Variants in KIAA0319L observed in about 807,000 individuals in gnomAD.
KIAA0319L encodes dyslexia-associated protein KIAA0319-like protein.
In KIAA0319L, 55 loss-of-function variants were observed where a neutral mutation model predicts 120.1. The ratio of observed to expected loss-of-function variants is 0.46; its 90% confidence interval spans 0.37 to 0.57. The LOEUF (loss-of-function observed/expected upper bound fraction) is 0.57. Among genes scored for constraint, KIAA0319L ranks in the 20% least tolerant of loss-of-function variants. KIAA0319L has a pLI of 0.00. For synonymous variants in KIAA0319L, 398 were observed against 471.9 expected, an observed-to-expected ratio of 0.84 and a Z score of 2.03; for missense variants, 1,049 against 1,255.3, an observed-to-expected ratio of 0.84 and a Z score of 2.48.
intron 8 of KIAA0319L, among the ~76,000 whole-genome samples, 162 bp downstream of exon 8, chr1:35,462,459 T>TTCAG (rs1642965301): frequency 6.6e-6 from 1 of 152,218 alleles, no homozygotes; most frequent in African/African-American, 2.4e-5. Context: ...TGTGTTGCTT[T>TTCAG]TCAGTCAGTT....
intron 2 of KIAA0319L, among the ~76,000 whole-genome samples, chr1:35,516,774 T>G (rs1388493349): frequency 1.3e-5 from 2 of 152,160 alleles, no homozygotes; most frequent in African/African-American, 4.8e-5. Context: ...TATCCCTGTT[T>G]GCATTCAACA....
intron 3 of KIAA0319L, among the ~76,000 whole-genome samples, chr1:35,490,143 CT>C (rs1644539293): frequency 6.6e-6 from 1 of 152,142 alleles, no homozygotes; most frequent in African/African-American, 2.4e-5. Flanking sequence ...CTAGGCTGCC[CT>C]GTAGTTCTCT....
intron 2 of KIAA0319L, among the ~76,000 whole-genome samples, chr1:35,532,542 G>C: frequency 6.6e-6 from 1 of 152,164 alleles, no homozygotes; most frequent in Non-Finnish European, 1.5e-5. Context: ...TAAATTTTCA[G>C]TGTTGATACT....
Position 35,450,340 on chromosome 1 carries a change from A to G in KIAA0319L, c.2214+18T>C. 1 of 1,607,614 alleles carries G rather than the reference A, an allele frequency of 6.2e-7. No homozygotes were observed. ...CCTCCCCACTCCTGTGTAGCTCTCC[A>G]GCTCCTAGCACACTTACCCCTGCTG... On this transcript the variant is annotated intron_variant, in intron 14 of 20. Coordinates refer to ENST00000325722, the MANE Select transcript of KIAA0319L (RefSeq NM_024874.5).
At position 35,450,346 on chromosome 1, in the gene KIAA0319L, T is replaced by C. The variant is rs750129116; in HGVS notation, c.2214+12A>G. On this transcript the variant is annotated intron_variant, in intron 14 of 20. Coordinates refer to ENST00000325722, the MANE Select transcript of KIAA0319L (RefSeq NM_024874.5). ...CACTCCTGTGTAGCTCTCCAGCTCC[T>C]AGCACACTTACCCCTGCTGCTGGGC... 2 of 1,611,458 alleles carry C rather than the reference T, an allele frequency of 1.2e-6. No individual in the cohort carries two copies. The highest frequency in any genetic ancestry group is 2.7e-5 in the African/African-American group (2 of 74,838).
intron 2 of KIAA0319L, among the ~76,000 whole-genome samples, chr1:35,522,076 G>A (rs1040804471): frequency 6.6e-5 from 10 of 152,096 alleles, no homozygotes; most frequent in Non-Finnish European, 1.2e-4. Flanking sequence ...TGATATCCAG[G>A]ATACATTATG....
Position 35,451,624 on chromosome 1 carries a change from G to T in KIAA0319L, c.2062+4C>A. ...TGCTACACAAACTGGAGGCAGAGAGGTACCTTCTTTGACAATGACATTCAC... is the reference window on the plus strand; with the variant it reads ...TGCTACACAAACTGGAGGCAGAGAGTTACCTTCTTTGACAATGACATTCAC... On this transcript the variant is annotated splice_donor_region_variant and intron_variant, in intron 13 of 20. Transcript: ENST00000325722. 6.2e-7 allele frequency: 1 copy of T among 1,613,656 alleles called. No individual in the cohort carries two copies. The highest frequency in any genetic ancestry group is 8.5e-7 in the Non-Finnish European group (1 of 1,179,656).
intron 20 of KIAA0319L, among the ~76,000 whole-genome samples, chr1:35,435,858 G>A (rs1181800491): frequency 6.6e-6 from 1 of 152,190 alleles, no homozygotes; most frequent in Non-Finnish European, 1.5e-5. Context: ...CAGCAAAGAT[G>A]GCTGCCCTCT....
At chr1:35,512,827 G>A (rs931611720) in intron 2 of KIAA0319L, among the ~76,000 whole-genome samples, 3 of 133,892 alleles carry the variant, frequency 2.2e-5, no homozygotes, top group Non-Finnish European at 4.5e-5. Context: ...AGCCGAGATC[G>A]CACCACTGTA....
chr1:35,474,281 G>A (rs1404004462), intron 5 of KIAA0319L, among the ~76,000 whole-genome samples: 2 of 152,180 alleles, frequency 1.3e-5, no homozygotes, highest in Admixed American at 1.3e-4. Context: ...CATTATCTGT[G>A]TGAATCTAAG....
intron 6 of KIAA0319L, among the ~76,000 whole-genome samples, chr1:35,469,822 T>C (rs565219382): frequency 2.0e-5 from 3 of 151,874 alleles, no homozygotes; most frequent in African/African-American, 7.3e-5. Context: ...CAGTGTACAA[T>C]GAATAGATGT....
intron 2 of KIAA0319L, among the ~76,000 whole-genome samples, chr1:35,546,181 A>G (rs1213995268): frequency 6.6e-6 from 1 of 152,180 alleles, no homozygotes; most frequent in African/African-American, 2.4e-5. Flanking sequence ...AAGTGGGACA[A>G]AAAAGGGTGA....
chr1:35,484,806 A>ATATT (rs1381080295), intron 3 of KIAA0319L, among the ~76,000 whole-genome samples: 187 of 86,170 alleles, frequency 2.2e-3, no homozygotes, highest in Non-Finnish European at 3.3e-3. Flanking sequence ...ATATATATAT[A>ATATT]TTTTTTTTTT....
intron 2 of KIAA0319L, among the ~76,000 whole-genome samples, chr1:35,535,096 TAAAAAAAAAAA>T (rs56965473): frequency 0.015 from 830 of 56,332 alleles, 14 homozygotes; most frequent in African/African-American, 0.05. Flanking sequence ...GACTCCGTCT[TAAAAAAAAAAA>T]AAAAAAAAAA....
At chr1:35,504,596 C>T (rs764050041) in intron 3 of KIAA0319L, among the ~76,000 whole-genome samples, 2 of 152,106 alleles carry the variant, frequency 1.3e-5, no homozygotes, top group African/African-American at 2.4e-5. Context: ...GTAAGGCTTC[C>T]AGTCAACAGC....
chr1:35,545,074 G>T (rs534997779), intron 2 of KIAA0319L, among the ~76,000 whole-genome samples: 2 of 152,262 alleles, frequency 1.3e-5, no homozygotes, highest in South Asian at 2.1e-4. Context: ...AAGAAAGGGG[G>T]CCCCAGAAGT....
rs986315223 is a variant in KIAA0319L, at chr1:35,437,462, T to C, written c.2963-2381A>G. Among the ~76,000 whole-genome samples, 1 of 152,218 alleles carries C rather than the reference T, an allele frequency of 6.6e-6. No homozygotes were observed. The highest frequency in any genetic ancestry group is 2.4e-5 in the African/African-American group (1 of 41,454). The stretch of plus-strand genomic sequence containing the variant: ...GGAGGCCCTTGCCCTCTGCCTGCCA[T>C]CCTGCTTCTCTAGCTTTCACTGCTC... On this transcript the variant is annotated intron_variant, in intron 20 of 20. Coordinates refer to ENST00000325722, the MANE Select transcript of KIAA0319L (RefSeq NM_024874.5). The surrounding 1 kb of genome is among the most constrained non-coding windows in gnomAD (Gnocchi z 4.1).
chr1:35,469,001 T>C (rs146361502), intron 6 of KIAA0319L, among the ~76,000 whole-genome samples: 1 of 152,210 alleles, frequency 6.6e-6, no homozygotes, highest in Non-Finnish European at 1.5e-5. Context: ...GCACTGGGTA[T>C]GGCACATGGT....
intron 2 of KIAA0319L, among the ~76,000 whole-genome samples, chr1:35,531,507 G>C (rs1383361565): frequency 2.0e-5 from 3 of 152,206 alleles, no homozygotes; most frequent in Admixed American, 1.3e-4. Flanking sequence ...AGGGACCTGG[G>C]GGATGCGTGG....
Sources: gnomAD v4.1 joint callset for allele counts (sites outside exome capture counted in the v4.1 genomes callset) on GRCh38, gnomAD v4.1.1 for gene constraint, Gnocchi (gnomAD v3.1) non-coding constraint, MANE v1.5 for transcripts, NCBI Gene and HGNC (gene_info 2026-07-23, HGNC 2026-07-21) for gene names.